Variants in EFHC1 observed in about 807,000 individuals in gnomAD.
EFHC1 encodes EF-hand domain-containing protein 1.
In EFHC1, 53 loss-of-function variants were observed where a neutral mutation model predicts 69.9. That is an observed-to-expected ratio of 0.76 (90% CI 0.61 to 0.95). The LOEUF is 0.95. Ranked by LOEUF, EFHC1 falls within the 40% of genes least tolerant of loss-of-function variation. EFHC1 has a pLI of 0.00. For missense variants in EFHC1, 739 were observed against 798.7 expected (o/e 0.93, Z 0.90); for synonymous variants, 256 against 278.4 (o/e 0.92, Z 0.80).
At chr6:52,479,361 A>T (rs1765620481) in intron 8 of EFHC1, 111 bp downstream of exon 8, 1 of 1,205,502 alleles carries the variant, frequency 8.3e-7, no homozygotes, top group Admixed American at 1.9e-5. Flanking sequence ...TGCAACTGAG[A>T]TAAAGCTACT....
At position 52,442,620 on chromosome 6, in the gene EFHC1, T is replaced by C. The variant is rs372802124; in HGVS notation, c.573+4029T>C. Among the ~76,000 whole-genome samples, 22 of 152,344 alleles carry C rather than the reference T, an allele frequency of 1.4e-4. 1 individual carries two copies. In the East Asian group the frequency reaches 3.3e-3, roughly 23 times the overall value. On this transcript the variant is annotated intron_variant, in intron 3 of 10. Transcript: ENST00000371068. ...TTCATCCATGTCCCTACAAAGGACA[T>C]GAGCTCATCATTTTTTATGGCTGCA... is the stretch of plus-strand genomic sequence containing the variant.
intron 9 of EFHC1, chr6:52,485,043 A>T (rs1195548496): frequency 1.3e-5 from 2 of 152,170 alleles, no homozygotes; most frequent in African/African-American, 4.8e-5. Context: ...AAATGTAAAA[A>T]AAAAAATTGT....
chr6:52,466,733 A>C (rs745371080), intron 6 of EFHC1, among the ~76,000 whole-genome samples: 1 of 152,218 alleles, frequency 6.6e-6, no homozygotes, highest in African/African-American at 2.4e-5. Context: ...TGCAAAAAGG[A>C]AGTGATGTCT....
At chr6:52,447,181 C>T (rs1245192698) in intron 3 of EFHC1, among the ~76,000 whole-genome samples, 2 of 152,206 alleles carry the variant, frequency 1.3e-5, no homozygotes, top group Admixed American at 1.3e-4. Context: ...ACATTCTCCC[C>T]ATCACTTTCA....
At chr6:52,437,324 T>C (rs750132575) in intron 2 of EFHC1, among the ~76,000 whole-genome samples, 1 of 152,226 alleles carries the variant, frequency 6.6e-6, no homozygotes, top group Non-Finnish European at 1.5e-5. Flanking sequence ...GGAGGGACTT[T>C]TGACATGGAG....
chr6:52,479,776 A>G lies in EFHC1; in HGVS notation c.1629A>G (p.Pro543=), dbSNP rs1422352360. ...TCCGAAAGCGAGAAGCGCCTGCTCCAGAAGCAGAAAGGTGTGTGTTTGATT... is the reference window on the plus strand; with the variant it reads ...TCCGAAAGCGAGAAGCGCCTGCTCCGGAAGCAGAAAGGTGTGTGTTTGATT... ...NHVRKREAPA[P]EAESKQTEKD... The change falls in exon 9 of 11, where the codon CCA becomes CCG. Residue 543 remains proline (P), a synonymous_variant. Transcript: ENST00000371068. The G allele has an allele frequency of 3.1e-6, 5 of 1,614,156 alleles. No individual in the cohort carries two copies. The Admixed American group carries it at 5.0e-5, about 16-fold the overall frequency.
Position 52,490,244 on chromosome 6 carries a change from C to T in EFHC1, c.1745C>T (p.Ala582Val). 1 of 1,614,088 alleles carries T rather than the reference C, an allele frequency of 6.2e-7. No individual in the cohort carries two copies. The highest frequency in any genetic ancestry group is 8.5e-7 in the Non-Finnish European group (1 of 1,179,944). Residue 582 changes from alanine to valine, a missense_variant, in exon 10 of 11, where the codon GCA (alanine) becomes GTA (valine). Ala to Val is a moderately conservative substitution (Grantham distance 64). Coordinates refer to ENST00000371068, the MANE Select transcript of EFHC1 (RefSeq NM_018100.4). ...DHSCKDNIRE[A>V]FQIYDKEASG... The stretch of plus-strand genomic sequence containing the variant: ...TCATGCAAAGACAACATTCGTGAGG[C>T]ATTTCAAATTTATGACAAGGAAGCT...
intron 6 of EFHC1, among the ~76,000 whole-genome samples, chr6:52,466,711 A>G (rs1303976292): frequency 6.6e-6 from 1 of 152,200 alleles, no homozygotes; most frequent in Non-Finnish European, 1.5e-5. Context: ...AAAATTGGCT[A>G]TGAAGGTGTT....
chr6:52,431,357 T>C (rs1764410060), intron 2 of EFHC1, among the ~76,000 whole-genome samples: 1 of 152,152 alleles, frequency 6.6e-6, no homozygotes, highest in South Asian at 2.1e-4. Flanking sequence ...ACTTTTCTCT[T>C]AGCACTGCCT....
At chr6:52,444,835 T>C (rs1764744175) in intron 3 of EFHC1, among the ~76,000 whole-genome samples, 1 of 152,218 alleles carries the variant, frequency 6.6e-6, no homozygotes, top group Non-Finnish European at 1.5e-5. Flanking sequence ...CCTCTTTTTC[T>C]ATTGATTGGA....
In EFHC1 at chr6:52,492,671, G is replaced by A. The variant is rs1765935035; in HGVS notation, c.*330G>A. 1 of 460,568 alleles carries A rather than the reference G, an allele frequency of 2.2e-6. No homozygotes were observed. The highest frequency in any genetic ancestry group is 1.6e-5 in the South Asian group (1 of 62,694). 28.5% of individuals were successfully genotyped at this position (460,568 alleles called of 1,614,324 possible). ...ACTCTGTCATACAGGCTGGAGTGTG[G>A]TGGCACTATCCTAGTTCTATGAAGC... On this transcript the variant is annotated 3_prime_UTR_variant, in exon 11 of 11. Coordinates refer to ENST00000371068, the MANE Select transcript of EFHC1 (RefSeq NM_018100.4).
At chr6:52,422,669 TGAA>T in intron 1 of EFHC1, among the ~76,000 whole-genome samples, 1 of 152,262 alleles carries the variant, frequency 6.6e-6, no homozygotes, top group South Asian at 2.1e-4. Flanking sequence ...TAAGTAATTG[TGAA>T]AGTATCCTCA....
intron 2 of EFHC1, among the ~76,000 whole-genome samples, chr6:52,426,356 T>C (rs1764300640): frequency 6.6e-6 from 1 of 152,304 alleles, no homozygotes; most frequent in East Asian, 1.9e-4. Context: ...GAAACTGTGC[T>C]CTTCTTTTGC....
In EFHC1 at chr6:52,438,543, A is replaced by G. The variant is rs775034647; in HGVS notation, c.525A>G (p.Thr175=). The part of the protein sequence containing the change: ...WKDLNRGINI[T]IYGKTFRVVD... ...ACCTAAATCGAGGAATAAACATCAC[A>G]ATTTATGGCAAAACTTTCCGCGTTG... Residue 175 remains threonine (T), a synonymous_variant, in exon 3 of 11, where the codon ACA becomes ACG. Coordinates refer to ENST00000371068, the MANE Select transcript of EFHC1 (RefSeq NM_018100.4). 7 of 1,614,046 alleles carry G rather than the reference A, an allele frequency of 4.3e-6. No individual in the cohort carries two copies. Among genetic ancestry groups the G allele is most frequent in the Non-Finnish European group, 5.9e-6 (7 of 1,179,946 alleles).
At chr6:52,475,497 A>G (rs530538937) in intron 7 of EFHC1, among the ~76,000 whole-genome samples, 1 of 152,334 alleles carries the variant, frequency 6.6e-6, no homozygotes, top group Non-Finnish European at 1.5e-5. Context: ...AAACTTGGCA[A>G]AGCTTTCGAA....
At chr6:52,421,596 C>T (rs1274703230) in intron 1 of EFHC1, among the ~76,000 whole-genome samples, 4 of 152,166 alleles carry the variant, frequency 2.6e-5, no homozygotes, top group Admixed American at 2.6e-4. Flanking sequence ...TAGTTTAATA[C>T]TTTAAACTCT....
chr6:52,473,650 T>G (rs1424765334), intron 7 of EFHC1, among the ~76,000 whole-genome samples: 1 of 152,006 alleles, frequency 6.6e-6, no homozygotes, highest in African/African-American at 2.4e-5. Flanking sequence ...GGCATGTTAG[T>G]GCACGCCTGT....
At chr6:52,479,959 T>G in intron 9 of EFHC1, 172 bp downstream of exon 9, 3 of 1,022,720 alleles carry the variant, frequency 2.9e-6, no homozygotes, top group Non-Finnish European at 4.3e-6. Context: ...AACTTAGAAC[T>G]TTTTCAACTT....
intron 7 of EFHC1, among the ~76,000 whole-genome samples, chr6:52,478,262 C>A (rs927529155): frequency 7.4e-5 from 11 of 149,518 alleles, no homozygotes; most frequent in Non-Finnish European, 8.9e-5. Flanking sequence ...ATTTCACACT[C>A]TGGGGACTGT....
Sources: allele counts gnomAD v4.1 joint callset (sites outside exome capture counted in the v4.1 genomes callset), GRCh38; gene constraint gnomAD v4.1.1; transcripts MANE v1.5; gene names NCBI Gene and HGNC (gene_info 2026-07-23, HGNC 2026-07-21).